Variants in VWDE observed in about 807,000 individuals in gnomAD.
The protein encoded by VWDE is von Willebrand factor D and EGF domain-containing protein.
In VWDE, 207 loss-of-function variants were observed where a neutral mutation model predicts 178.4. That is an observed-to-expected ratio of 1.16 (90% CI 1.04 to 1.30). VWDE has a LOEUF of 1.30. VWDE is among the 50% of genes most tolerant of loss of function. VWDE has a pLI of 0.00. For synonymous variants in VWDE, 738 were observed against 651.4 expected, an observed-to-expected ratio of 1.13 and a Z score of -2.02; for missense variants, 2,287 against 1,901.3, an observed-to-expected ratio of 1.20 and a Z score of -3.77.
intron 27 of VWDE, among the ~76,000 whole-genome samples, chr7:12,334,317 T>C (rs950845818): frequency 8.8e-4 from 134 of 152,324 alleles, no homozygotes; most frequent in African/African-American, 3.0e-3. Context: ...TCAAACAATA[T>C]TGAGTGAAAA....
chr7:12,394,494 T>C (rs374843628), intron 1 of VWDE, among the ~76,000 whole-genome samples: 2 of 152,184 alleles, frequency 1.3e-5, no homozygotes, highest in African/African-American at 4.8e-5. Context: ...GCCTGGAAGA[T>C]ACTTTTTCCA....
At chr7:12,363,543 T>A (rs994883127) in intron 13 of VWDE, among the ~76,000 whole-genome samples, 1 of 151,854 alleles carries the variant, frequency 6.6e-6, no homozygotes, top group East Asian at 1.9e-4. Context: ...AAACTACTAA[T>A]ACAAAAGTAG....
intron 4 of VWDE, among the ~76,000 whole-genome samples, chr7:12,381,362 A>T (rs1230243813): frequency 6.6e-6 from 1 of 152,156 alleles, no homozygotes; most frequent in African/African-American, 2.4e-5. Flanking sequence ...AGTTTTCTGG[A>T]TAAGTTTTTT....
intron 4 of VWDE, among the ~76,000 whole-genome samples, chr7:12,381,995 T>C (rs1174279539): frequency 1.3e-5 from 2 of 151,812 alleles, no homozygotes; most frequent in Non-Finnish European, 3.0e-5. Context: ...AAGAAAAAGG[T>C]TTAGAAACAA....
Position 12,336,974 on chromosome 7 carries a change from A to G in VWDE, c.4558+14T>C, listed in dbSNP as rs1781069041. The stretch of plus-strand genomic sequence containing the variant: ...AGGACGAAAGCTTCAGTGTTTTAAG[A>G]GTATTCCTCTTACGTGTGTTGCATC... On this transcript the variant is annotated intron_variant, in intron 26 of 28. Transcript: ENST00000275358. 1.9e-5 allele frequency: 30 copies of G among 1,543,844 alleles called. No individual in the cohort carries two copies. The highest frequency in any genetic ancestry group is 2.3e-5 in the Non-Finnish European group (26 of 1,143,086).
chr7:12,343,093 C>A lies in VWDE; in HGVS notation c.4164G>T (p.Arg1388Ser), dbSNP rs1046831055. 73 of 1,549,006 alleles carry A rather than the reference C, an allele frequency of 4.7e-5. No individual in the cohort carries two copies. Among genetic ancestry groups the A allele is most frequent in the Non-Finnish European group, 6.2e-5 (71 of 1,145,276 alleles). ...CTCPYGFVGP[R>S]CETMVCNRHC... ...GAGAGCTTTGCTTACTTGTTTCACACCTTGGTCCTACAAAACCATAAGGAC... is the reference window on the plus strand; with the variant it reads ...GAGAGCTTTGCTTACTTGTTTCACAACTTGGTCCTACAAAACCATAAGGAC... Residue 1388 changes from arginine to serine, a missense_variant, in exon 22 of 29, where the codon AGG (arginine) becomes AGT (serine). Coordinates refer to ENST00000275358, the MANE Select transcript of VWDE (RefSeq NM_001135924.3).
chr7:12,370,589 G>A (rs928097780), intron 11 of VWDE, 67 bp downstream of exon 11: 3 of 1,533,522 alleles, frequency 2.0e-6, no homozygotes, highest in African/African-American at 1.4e-5. Context: ...AAAAAGCAGA[G>A]TGTTGAGCCA....
At chr7:12,369,036 T>A (rs570884700) in intron 12 of VWDE, among the ~76,000 whole-genome samples, 1 of 152,300 alleles carries the variant, frequency 6.6e-6, no homozygotes, top group East Asian at 1.9e-4. Flanking sequence ...AGTTTCTTTG[T>A]CTAACATATT....
intron 2 of VWDE, among the ~76,000 whole-genome samples, chr7:12,391,760 T>C (rs184358931): frequency 6.6e-6 from 1 of 152,286 alleles, no homozygotes; most frequent in East Asian, 1.9e-4. Context: ...CATTAGTGCT[T>C]AAAAAGGAAA....
At chr7:12,335,487 G>A (rs573385711) in intron 27 of VWDE, among the ~76,000 whole-genome samples, 1 of 151,258 alleles carries the variant, frequency 6.6e-6, no homozygotes, top group East Asian at 1.9e-4. Context: ...ACGGAGTCTC[G>A]CTCTGTCGCC....
At chr7:12,334,558 A>G (rs960437712) in intron 27 of VWDE, among the ~76,000 whole-genome samples, 1 of 152,238 alleles carries the variant, frequency 6.6e-6, no homozygotes, top group Admixed American at 6.5e-5. Context: ...ATAGATTTGA[A>G]TTTTTATTAC....
In VWDE at chr7:12,331,187, T is replaced by C. The variant is rs1780701923; in HGVS notation, c.4769A>G (p.His1590Arg). 1 of 1,541,674 alleles carries C rather than the reference T, an allele frequency of 6.5e-7. No individual in the cohort carries two copies. Among genetic ancestry groups the C allele is most frequent in the Admixed American group, 2.0e-5 (1 of 50,616 alleles). Reference protein sequence around the residue: ...KCEKKIQIRRH With the variant: ...KCEKKIQIRRR Reference sequence around the variant, plus strand: ...AATTCATATACTTGATGCTACTCAATGGCGTCTTATCTGTAGTAGGAAGAA... The same window carrying C: ...AATTCATATACTTGATGCTACTCAACGGCGTCTTATCTGTAGTAGGAAGAA... The change falls in exon 29 of 29, where the codon CAT (histidine) becomes CGT (arginine). Residue 1590 changes from histidine (H) to arginine (R), a missense_variant. By Grantham distance (29) the His-to-Arg change is conservative. Transcript: ENST00000275358.
At position 12,375,220 on chromosome 7, in the gene VWDE, C is replaced by T; in HGVS notation, c.1032G>A (p.Glu344=). The T allele has an allele frequency of 6.5e-7, 1 of 1,550,262 alleles. No homozygotes were observed. Among genetic ancestry groups the T allele is most frequent in the Non-Finnish European group, 8.7e-7 (1 of 1,145,978 alleles). ...LKLKTIGQGR[E]HLGLNLALSS... is the part of the protein sequence containing the mutation. Reference sequence around the variant, plus strand: ...ACAGTGCCAAATTTAAGCCTAGGTGCTCTCTACCTATTTAATGAAAAAATA... The same window carrying T: ...ACAGTGCCAAATTTAAGCCTAGGTGTTCTCTACCTATTTAATGAAAAAATA... Residue 344 remains glutamate, a synonymous_variant, in exon 8 of 29, where the codon GAG becomes GAA. Coordinates refer to ENST00000275358, the MANE Select transcript of VWDE (RefSeq NM_001135924.3).
chr7:12,382,304 C>G (rs10499425), intron 4 of VWDE, among the ~76,000 whole-genome samples: 1,985 of 151,668 alleles, frequency 0.013, 53 homozygotes, highest in African/African-American at 0.043. Context: ...GAATTTATAT[C>G]TATTATGCAG....
rs747024535 is a variant in VWDE at position 12,370,074 on chromosome 7, G to A, written c.2232C>T (p.Tyr744=). The A allele has an allele frequency of 5.8e-5, 90 of 1,551,418 alleles. No homozygotes were observed. Among genetic ancestry groups the A allele is most frequent in the Middle Eastern group, 3.3e-4 (2 of 6,008 alleles). ...GCCGTTTCCATCTGTTTTGTCGATT[G>A]TACCTCATTTCTTGGCTGTGGCTTC... ...GRGSHSQEMR[Y]NRQNRWKRQN... The change falls in exon 12 of 29, where the codon TAC becomes TAT. Residue 744 remains tyrosine, a synonymous_variant. Transcript: ENST00000275358.
In VWDE at chr7:12,369,862, G is replaced by A. The variant is rs774714428; in HGVS notation, c.2444C>T (p.Ala815Val). 1.3e-6 allele frequency: 2 copies of A among 1,551,452 alleles called. No individual in the cohort carries two copies. Among genetic ancestry groups the A allele is most frequent in the South Asian group, 2.4e-5 (2 of 84,056 alleles). ...STLTLCQETL[A>V]NSSIGRLCLA... ...ACACAGCCTTCCTATGCTGGAGTTG[G>A]CTAGAGTCTCCTGACAGAGGGTCAA... The change falls in exon 12 of 29, where the codon GCC becomes GTC. Residue 815 changes from alanine (A) to valine (V), a missense_variant. Ala to Val is a moderately conservative substitution (Grantham distance 64). Coordinates refer to ENST00000275358, the MANE Select transcript of VWDE (RefSeq NM_001135924.3).
intron 13 of VWDE, among the ~76,000 whole-genome samples, chr7:12,362,274 G>A (rs1782629541): frequency 6.6e-6 from 1 of 151,464 alleles, no homozygotes; most frequent in South Asian, 2.1e-4. Flanking sequence ...GAGTCTTCAT[G>A]GTGTTCAAGT....
At chr7:12,360,665 C>A (rs1782528435) in intron 15 of VWDE, among the ~76,000 whole-genome samples, 1 of 152,116 alleles carries the variant, frequency 6.6e-6, no homozygotes, top group Admixed American at 6.6e-5. Flanking sequence ...TGTGACTTCA[C>A]CTCAGCTCAG....
intron 2 of VWDE, among the ~76,000 whole-genome samples, chr7:12,391,092 T>C (rs1162158222): frequency 6.6e-6 from 1 of 152,160 alleles, no homozygotes; most frequent in African/African-American, 2.4e-5. Flanking sequence ...GCTATAACTG[T>C]AACTGAAAAA....
Sources: gnomAD v4.1 joint callset for allele counts (sites outside exome capture counted in the v4.1 genomes callset) on GRCh38, gnomAD v4.1.1 for gene constraint, MANE v1.5 for transcripts, NCBI Gene and HGNC (gene_info 2026-07-23, HGNC 2026-07-21) for gene names.